The following ARID1B variants were observed in gnomAD, a reference collection of about 807,000 sequenced individuals.
ARID1B encodes the protein AT-rich interaction domain 1B, also known as AT-rich interactive domain-containing protein 1B.
A neutral mutation model predicts 212.3 loss-of-function variants in ARID1B; 30 were observed. The ratio of observed to expected loss-of-function variants is 0.14; its 90% CI spans 0.11 to 0.19. The LOEUF is 0.19. ARID1B is among the 10% of genes least tolerant of loss of function. The pLI is 1.00. For synonymous variants in ARID1B, 1,402 were observed against 1,301.7 expected, an observed-to-expected ratio of 1.08 and a Z score of -1.66; for missense variants, 2,891 against 3,204.0, an observed-to-expected ratio of 0.90 and a Z score of 2.36.
intron 11 of ARID1B, among the ~76,000 whole-genome samples, chr6:157,178,015 G>T (rs1262748878): frequency 4.6e-5 from 7 of 152,122 alleles, no homozygotes; most frequent in African/African-American, 1.4e-4. Context: ...CTTTAATTGC[G>T]CTCTGTTCAG....
intron 3 of ARID1B, among the ~76,000 whole-genome samples, chr6:156,932,130 T>TA (rs1562492871): frequency 8.6e-5 from 8 of 93,370 alleles, no homozygotes; most frequent in African/African-American, 4.4e-4. Context: ...ACCTTGTTTC[T>TA]TAAAAAAAAA....
In ARID1B at chr6:156,779,287, C is replaced by G. The variant is rs1778999471; in HGVS notation, c.1607C>G (p.Pro536Arg). 4.4e-6 allele frequency: 5 copies of G among 1,147,932 alleles called. No individual in the cohort carries two copies. In the Admixed American group the frequency reaches 2.2e-4, roughly 50 times the overall value. 71.1% of individuals were successfully genotyped at this position (1,147,932 alleles called of 1,614,324 possible). A position where few individuals can be genotyped will look rare whatever the true frequency, so the allele number is the denominator to read the frequency against. ...GCGCCGCCGCCGCCGCCGTCGCAGCCCCAGTCCCAGGCGGCGGCGGCGGGG... is the reference window on the plus strand; with the variant it reads ...GCGCCGCCGCCGCCGCCGTCGCAGCGCCAGTCCCAGGCGGCGGCGGCGGGG... ...PSAPPPPPSQ[P>R]QSQAAAAGAA... Residue 536 changes from proline (P) to arginine (R), a missense_variant, in exon 1 of 20, where the codon CCC (proline) becomes CGC (arginine). Coordinates refer to ENST00000636930, the MANE Select transcript of ARID1B (RefSeq NM_001374828.1).
rs779375711 is a variant in ARID1B, at chr6:157,200,918, G to A, written c.4693G>A (p.Gly1565Arg). 50 of 1,613,642 alleles carry A rather than the reference G, an allele frequency of 3.1e-5. No homozygotes were observed. The highest frequency in any genetic ancestry group is 3.8e-5 in the Non-Finnish European group (45 of 1,179,940). The change falls in exon 18 of 20, where the codon GGA becomes AGA. Residue 1565 changes from glycine to arginine, a missense_variant. Gly to Arg is a moderately radical substitution (Grantham distance 125, BLOSUM62 -2). This residue lies in a region of ARID1B where 666 missense variants were observed against 873.5 expected (regional missense o/e 0.76). Transcript: ENST00000636930. This position sits in a 1 kb window ranked among gnomAD's most constrained non-coding sequence, Gnocchi z 4.3. ...MQGPGQIQTH[G>R]IPPQMMGGPL... ...GGGCCCGGGGCAGATCCAGACACAC[G>A]GAATCCCGCCTCAGATGATGGGCGG...
At chr6:156,899,986 G>A (rs1788789581) in intron 2 of ARID1B, among the ~76,000 whole-genome samples, 1 of 152,154 alleles carries the variant, frequency 6.6e-6, no homozygotes, top group African/African-American at 2.4e-5. Flanking sequence ...GTGTTGTAGT[G>A]GTATATGGTA....
intron 2 of ARID1B, among the ~76,000 whole-genome samples, chr6:156,830,334 G>T (rs899269838): frequency 1.1e-4 from 16 of 152,180 alleles, no homozygotes; most frequent in African/African-American, 3.9e-4. Context: ...TGGTGCGGCC[G>T]TCGGTAACCC....
At chr6:156,952,297 G>A (rs888480897) in intron 4 of ARID1B, among the ~76,000 whole-genome samples, 1 of 152,204 alleles carries the variant, frequency 6.6e-6, no homozygotes, top group African/African-American at 2.4e-5. Context: ...GAACATGCAT[G>A]CCACTAATAG....
chr6:157,190,334 G>C lies in ARID1B; in HGVS notation c.4231+124G>C. On this transcript the variant is annotated intron_variant, in intron 15 of 19. Coordinates refer to ENST00000636930, the MANE Select transcript of ARID1B (RefSeq NM_001374828.1). The surrounding 1 kb of genome is among the most constrained non-coding windows in gnomAD (Gnocchi z 4.6). ...CCATGCTGCATCGGTGTGGGTCCCA[G>C]GTCCCCATCCTACTCCACTTGTGGC... is the stretch of plus-strand genomic sequence containing the variant. 8.4e-7 allele frequency: 1 copy of C among 1,194,236 alleles called. No homozygotes were observed. Among genetic ancestry groups the C allele is most frequent in the South Asian group, 1.6e-5 (1 of 63,032 alleles). 74.0% of individuals were successfully genotyped at this position (1,194,236 alleles called of 1,614,324 possible). A position where few individuals can be genotyped will look rare whatever the true frequency, so the allele number is the denominator to read the frequency against.
Position 156,931,883 on chromosome 6 carries a change from A to C in ARID1B, c.2137-3583A>C, listed in dbSNP as rs1791751237. On this transcript the variant is annotated intron_variant, in intron 3 of 19. Coordinates refer to ENST00000636930, the MANE Select transcript of ARID1B (RefSeq NM_001374828.1). ...AGGCTGAGGCAGGAGAATCGCTTCA[A>C]CCCGGGAGGTGGAGATTGCGGTGAG... is the stretch of plus-strand genomic sequence containing the variant. Among the ~76,000 whole-genome samples, 4 of 150,498 alleles carry C rather than the reference A, an allele frequency of 2.7e-5. No homozygotes were observed. In the South Asian group the frequency reaches 8.5e-4, roughly 32 times the overall value.
chr6:157,115,549 C>T (rs955743018), intron 6 of ARID1B, among the ~76,000 whole-genome samples: 7 of 152,150 alleles, frequency 4.6e-5, no homozygotes, highest in Non-Finnish European at 8.8e-5. Context: ...GCCTCAGCCT[C>T]CCGAGTAGCT....
chr6:156,850,127 G>C (rs765661711), intron 2 of ARID1B, among the ~76,000 whole-genome samples: 27 of 151,178 alleles, frequency 1.8e-4, no homozygotes, highest in African/African-American at 6.3e-4. Context: ...GTGCAGAAGA[G>C]AACTGGACCA....
At chr6:156,983,207 C>A (rs1048309762) in intron 4 of ARID1B, among the ~76,000 whole-genome samples, 2 of 151,846 alleles carry the variant, frequency 1.3e-5, no homozygotes, top group African/African-American at 4.8e-5. Context: ...CCAGCCTGAC[C>A]AAGATGGTGA....
At chr6:157,019,248 A>C (rs1780084044) in intron 4 of ARID1B, among the ~76,000 whole-genome samples, 1 of 152,220 alleles carries the variant, frequency 6.6e-6, no homozygotes, top group African/African-American at 2.4e-5. Flanking sequence ...CCAGTTTCAC[A>C]GTATTCTAGG....
At chr6:157,178,517 G>A (rs1230472032) in intron 11 of ARID1B, among the ~76,000 whole-genome samples, 5 of 152,178 alleles carry the variant, frequency 3.3e-5, no homozygotes, top group Admixed American at 1.3e-4. Context: ...AGCCAGCCTC[G>A]GGAGGCCTCT....
At chr6:157,142,624 TCAAAAACAACAACAATAA>T (rs950234984) in intron 7 of ARID1B, among the ~76,000 whole-genome samples, 1 of 151,990 alleles carries the variant, frequency 6.6e-6, no homozygotes, top group Non-Finnish European at 1.5e-5. Context: ...AGACTCTGTC[TCAAAAACAACAACAATAA>T]CAAAAACAAC....
intron 2 of ARID1B, chr6:156,871,795 C>A: frequency 1.0e-6 from 1 of 959,026 alleles, no homozygotes; most frequent in Non-Finnish European, 1.6e-6. Context: ...CATCCCTGTG[C>A]AGGTGCATGT....
At chr6:156,915,002 T>C (rs888507365) in intron 3 of ARID1B, among the ~76,000 whole-genome samples, 1 of 152,244 alleles carries the variant, frequency 6.6e-6, no homozygotes, top group Non-Finnish European at 1.5e-5. Flanking sequence ...GGTCAATGCC[T>C]GCACAAAGTA....
chr6:157,055,463 A>G (rs1257832882), intron 4 of ARID1B, among the ~76,000 whole-genome samples: 1 of 152,234 alleles, frequency 6.6e-6, no homozygotes, highest in Non-Finnish European at 1.5e-5. Context: ...TTAAATTTCA[A>G]ACCTTTACTG....
intron 2 of ARID1B, among the ~76,000 whole-genome samples, chr6:156,833,006 G>A (rs1562420523): frequency 6.6e-6 from 1 of 152,102 alleles, no homozygotes; most frequent in African/African-American, 2.4e-5. Context: ...TTTGCACGGT[G>A]CCCTAAAAAC....
Position 157,029,634 on chromosome 6 carries a change from C to T in ARID1B, c.2248-55028C>T, listed in dbSNP as rs530043586. Among the ~76,000 whole-genome samples, 35 of 152,250 alleles carry T rather than the reference C, an allele frequency of 2.3e-4. 1 individual carries two copies. In the South Asian group the frequency reaches 7.1e-3, roughly 31 times the overall value. ...GAGTGATTGGTACGACAGGACTGGC[C>T]ATGGGATGATCTGGTAGCACAGTAA... On this transcript the variant is annotated intron_variant, in intron 4 of 19. Coordinates refer to ENST00000636930, the MANE Select transcript of ARID1B (RefSeq NM_001374828.1).
Sources: gnomAD v4.1 joint callset for allele counts (sites outside exome capture counted in the v4.1 genomes callset) on GRCh38, gnomAD v4.1.1 for gene constraint, gnomAD v4.1.1 regional missense constraint, Gnocchi (gnomAD v3.1) non-coding constraint, MANE v1.5 for transcripts, NCBI Gene and HGNC (gene_info 2026-07-23, HGNC 2026-07-21) for gene names.